PYHIN1: variants seen among roughly 807,000 people sequenced by gnomAD.
The protein encoded by PYHIN1 is pyrin and HIN domain-containing protein 1.
In PYHIN1, 32 loss-of-function variants were observed where a neutral mutation model predicts 43.7. The observed-to-expected ratio is 0.73, with a 90% confidence interval of 0.55 to 0.98. PYHIN1 has a LOEUF of 0.98. Ranked by LOEUF, PYHIN1 falls within the 50% of genes least tolerant of loss-of-function variation. The probability of loss-of-function intolerance (pLI) is 0.00; values close to 1 mark genes in which losing one functional copy is unlikely to be tolerated. For synonymous variants in PYHIN1, 205 were observed against 203.1 expected, an observed-to-expected ratio of 1.01 and a Z score of -0.08; for missense variants, 588 against 589.5, an observed-to-expected ratio of 1.00 and a Z score of 0.03.
the PYHIN1 span, among the ~76,000 whole-genome samples, chr1:158,988,120 T>C: frequency 0.041 from 6,272 of 152,320 alleles, 353 homozygotes; most frequent in East Asian, 0.26. Flanking sequence ...CTTGGACTTA[T>C]AGCCTCCAGA....
chr1:158,962,045 G>A (rs923843030), intron 7 of PYHIN1, among the ~76,000 whole-genome samples: 1 of 152,204 alleles, frequency 6.6e-6, no homozygotes, highest in Non-Finnish European at 1.5e-5. Context: ...AGCCCCCAGA[G>A]GGAGAGGAAG....
At chr1:158,946,701 C>T (rs987766482) in intron 7 of PYHIN1, among the ~76,000 whole-genome samples, 10 of 152,134 alleles carry the variant, frequency 6.6e-5, no homozygotes, top group Non-Finnish European at 5.9e-5. Flanking sequence ...CAGACATTTT[C>T]AGAGTGAAGT....
chr1:158,943,826 C>A lies in PYHIN1; in HGVS notation c.1039C>A (p.Gln347Lys). 6.2e-7 allele frequency: 1 copy of A among 1,600,604 alleles called. No individual in the cohort carries two copies. The highest frequency in any genetic ancestry group is 8.5e-7 in the Non-Finnish European group (1 of 1,172,836). ...VNRKTTIYEI[Q>K]DKTGSMAVVG... ...TAGGAAGACGACAATCTATGAAATT[C>A]AGGATAAAACAGGAAGTATGGCTGT... Residue 347 changes from glutamine (Q) to lysine (K), a missense_variant, in exon 6 of 9, where the codon CAG becomes AAG. Gln to Lys is a moderately conservative substitution (Grantham distance 53, BLOSUM62 1). Transcript: ENST00000368140.
At position 158,970,148 on chromosome 1, in the gene PYHIN1, T is replaced by C. The variant is rs186839697; in HGVS notation, c.1360-3499T>C. On this transcript the variant is annotated intron_variant, in intron 7 of 8. Transcript: ENST00000368140. ...ATAGATCACAGAATGGCATGAGTCATGATCAGGGATGCTATTAGGGAGAAA... is the reference window on the plus strand; with the variant it reads ...ATAGATCACAGAATGGCATGAGTCACGATCAGGGATGCTATTAGGGAGAAA... Among the ~76,000 whole-genome samples the C allele has an allele frequency of 1.2e-4, 18 of 152,140 alleles. No individual in the cohort carries two copies. The East Asian group carries it at 3.5e-3, about 29-fold the overall frequency.
chr1:158,950,348 C>T lies in PYHIN1; in HGVS notation c.1359+5306C>T, dbSNP rs188465732. ...TCCTGAGTTGTCCTCTTCAGCATCC[C>T]CCAGGTAATGTCCGGGGCTTGTGTC... On this transcript the variant is annotated intron_variant, in intron 7 of 8. Coordinates refer to ENST00000368140, the MANE Select transcript of PYHIN1 (RefSeq NM_152501.5). Among the ~76,000 whole-genome samples, 9 of 152,276 alleles carry T rather than the reference C, an allele frequency of 5.9e-5. No homozygotes were observed. The East Asian group carries it at 9.7e-4, about 16-fold the overall frequency.
chr1:158,936,050 CTCTT>C (rs1405631475), intron 1 of PYHIN1, among the ~76,000 whole-genome samples: 1 of 151,960 alleles, frequency 6.6e-6, no homozygotes, highest in Non-Finnish European at 1.5e-5. Context: ...TCATGGACAA[CTCTT>C]TCTTTTATTA....
chr1:158,941,854 G>A (rs1189863267), intron 4 of PYHIN1, 123 bp from the exon 5 acceptor site: 3 of 807,958 alleles, frequency 3.7e-6, no homozygotes, highest in Non-Finnish European at 5.6e-6. Flanking sequence ...CTGTATCCTG[G>A]CCCCAGCTCT....
chr1:158,970,347 G>A (rs752287780), intron 7 of PYHIN1, among the ~76,000 whole-genome samples: 7 of 151,892 alleles, frequency 4.6e-5, no homozygotes, highest in South Asian at 2.1e-4. Context: ...GTTAAATTGC[G>A]CAGTGGTGAA....
chr1:158,941,088 C>A (rs932691897), intron 4 of PYHIN1, among the ~76,000 whole-genome samples: 2 of 152,092 alleles, frequency 1.3e-5, no homozygotes, highest in South Asian at 4.1e-4. Flanking sequence ...GATGAAAAGT[C>A]AGATCAAATA....
intron 7 of PYHIN1, among the ~76,000 whole-genome samples, chr1:158,967,919 C>T (rs369384666): frequency 6.6e-6 from 1 of 152,020 alleles, no homozygotes. Flanking sequence ...GGACCCCTTC[C>T]TTACACCATA....
intron 1 of PYHIN1, among the ~76,000 whole-genome samples, chr1:158,934,550 T>C (rs556172021): frequency 1.3e-3 from 194 of 152,320 alleles, no homozygotes; most frequent in Admixed American, 4.2e-3. Context: ...TTTTATGTTC[T>C]TCAGTTTCAC....
At chr1:158,988,667 T>G in the PYHIN1 span, among the ~76,000 whole-genome samples, 1 of 152,184 alleles carries the variant, frequency 6.6e-6, no homozygotes, top group African/African-American at 2.4e-5. Context: ...AGTGATGAAC[T>G]TGGATACTTA....
intron 7 of PYHIN1, among the ~76,000 whole-genome samples, chr1:158,955,780 C>CA (rs1649879626): frequency 3.4e-5 from 3 of 88,318 alleles, no homozygotes; most frequent in African/African-American, 1.2e-4. Flanking sequence ...AATAGAGACA[C>CA]AAAAAACCCT....
At chr1:158,973,792 T>C in intron 8 of PYHIN1, 21 bp downstream of exon 8, 1 of 1,612,026 alleles carries the variant, frequency 6.2e-7, no homozygotes, top group Non-Finnish European at 8.5e-7. Context: ...TCTATTTGCA[T>C]TGCTGTACCT....
chr1:158,958,756 TAA>T (rs201845506), intron 7 of PYHIN1, among the ~76,000 whole-genome samples: 14 of 69,590 alleles, frequency 2.0e-4, no homozygotes, highest in African/African-American at 8.8e-4. Flanking sequence ...TAAAGTATAA[TAA>T]AAAAAAAGAA....
Position 158,945,046 on chromosome 1 carries a change from C to T in PYHIN1, c.1359+4C>T. On this transcript the variant is annotated splice_donor_region_variant and intron_variant, in intron 7 of 8. Coordinates refer to ENST00000368140, the MANE Select transcript of PYHIN1 (RefSeq NM_152501.5). ...ATCCAGCAGTTCCTTCACCAAGGTA[C>T]AATATCCTGGGTCCCATGACTCTTA... is the stretch of plus-strand genomic sequence containing the variant. 6.2e-7 allele frequency: 1 copy of T among 1,610,364 alleles called. No individual in the cohort carries two copies. Among genetic ancestry groups the T allele is most frequent in the South Asian group, 1.1e-5 (1 of 90,476 alleles).
chr1:158,932,145 C>A (rs1648201981), intron 1 of PYHIN1, among the ~76,000 whole-genome samples: 1 of 152,076 alleles, frequency 6.6e-6, no homozygotes, highest in Non-Finnish European at 1.5e-5. Context: ...GCATAGTATT[C>A]CACGCTGTAT....
At chr1:158,975,654 G>A (rs1040067689) in intron 8 of PYHIN1, among the ~76,000 whole-genome samples, 3 of 152,062 alleles carry the variant, frequency 2.0e-5, no homozygotes, top group Non-Finnish European at 4.4e-5. Context: ...GAGCACAGTA[G>A]AAAGACCATG....
At chr1:158,976,109 A>T (rs1185795263) in intron 8 of PYHIN1, among the ~76,000 whole-genome samples, 1 of 152,100 alleles carries the variant, frequency 6.6e-6, no homozygotes, top group East Asian at 1.9e-4. Context: ...TGTGAGAAAC[A>T]TCTCTGTGTA....
Sources: allele counts gnomAD v4.1 joint callset (sites outside exome capture counted in the v4.1 genomes callset), GRCh38; gene constraint gnomAD v4.1.1; transcripts MANE v1.5; gene names NCBI Gene and HGNC (gene_info 2026-07-23, HGNC 2026-07-21).